The following JADE1 variants were observed in gnomAD, a reference collection of about 807,000 sequenced individuals.
The protein encoded by JADE1 is jade family PHD finger 1, also known as protein Jade-1.
A neutral mutation model predicts 81.8 loss-of-function variants in JADE1; 14 were observed. The observed-to-expected ratio is 0.17, with a 90% CI of 0.11 to 0.27. The LOEUF (loss-of-function observed/expected upper bound fraction) is 0.27, where lower values mean the gene tolerates loss of function less well. JADE1 is among the 10% of genes least tolerant of loss of function. The probability of loss-of-function intolerance (pLI) is 1.00; values close to 1 mark genes in which losing one functional copy is unlikely to be tolerated. For synonymous variants in JADE1, 353 were observed against 391.9 expected (o/e 0.90, Z 1.17); for missense variants, 690 against 1,047.9 (o/e 0.66, Z 4.71).
chr4:128,865,343 C>T (rs148421922), intron 9 of JADE1, among the ~76,000 whole-genome samples: 5 of 152,288 alleles, frequency 3.3e-5, no homozygotes, highest in Middle Eastern at 3.4e-3. Flanking sequence ...TGTGGGTACC[C>T]CATGTTTCTG....
intron 2 of JADE1, among the ~76,000 whole-genome samples, chr4:128,839,178 C>T (rs1019012879): frequency 3.9e-5 from 6 of 152,172 alleles, no homozygotes; most frequent in Non-Finnish European, 8.8e-5. Flanking sequence ...GTTGTAAATT[C>T]TGCGTCTTAT....
At chr4:128,821,028 A>G (rs1393272359) in intron 1 of JADE1, among the ~76,000 whole-genome samples, 2 of 152,192 alleles carry the variant, frequency 1.3e-5, no homozygotes, top group African/African-American at 4.8e-5. Flanking sequence ...ATTCAGAAGC[A>G]CTTGGTTTTC....
In JADE1 at chr4:128,822,006, C is replaced by G. The variant is rs551085198; in HGVS notation, c.-26-9727C>G. On this transcript the variant is annotated intron_variant, in intron 1 of 10. Coordinates refer to ENST00000226319, the MANE Select transcript of JADE1 (RefSeq NM_199320.4). ...TAATAGCATTTTATGGCATTATTAC[C>G]TTTTCTCTTTTTTTTCTTCTGCACC... Among the ~76,000 whole-genome samples the G allele has an allele frequency of 1.2e-4, 19 of 152,170 alleles. No individual in the cohort carries two copies. The South Asian group carries it at 3.9e-3, about 32-fold the overall frequency.
chr4:128,862,579 A>C, intron 9 of JADE1: 1 of 1,111,780 alleles, frequency 9.0e-7, no homozygotes, highest in Non-Finnish European at 1.1e-6. Context: ...GAGTTGACTC[A>C]GGATGGTTTA....
At position 128,871,708 on chromosome 4, in the gene JADE1, A is replaced by G; in HGVS notation, c.1975A>G (p.Arg659Gly). Residue 659 changes from arginine (R) to glycine (G), a missense_variant, in exon 11 of 11, where the codon AGA (arginine) becomes GGA (glycine). Physicochemically the swap from Arg to Gly is moderately radical, Grantham distance 125. Transcript: ENST00000226319. The surrounding 1 kb of genome is among the most constrained non-coding windows in gnomAD (Gnocchi z 4.1). The stretch of plus-strand genomic sequence containing the variant: ...TGTGGTGATGCCAGACCATGGGAAA[A>G]GAAGAGACAATCGTTTTCATTGTGA... ...NGVVMPDHGK[R>G]RDNRFHCDLI... 1 of 1,614,198 alleles carries G rather than the reference A, an allele frequency of 6.2e-7. No homozygotes were observed. Among genetic ancestry groups the G allele is most frequent in the East Asian group, 2.2e-5 (1 of 44,866 alleles).
In JADE1 at chr4:128,874,008, AG is replaced by A. The variant is rs1260321684; in HGVS notation, c.*1751del. 2 of 152,594 alleles carry A rather than the reference AG, an allele frequency of 1.3e-5. No homozygotes were observed. The highest frequency in any genetic ancestry group is 2.9e-5 in the Non-Finnish European group (2 of 68,032). The allele number at this position is 152,594 out of a possible 1,614,324, so 9.5% of individuals were successfully genotyped here. On this transcript the variant is annotated 3_prime_UTR_variant, in exon 11 of 11. Coordinates refer to ENST00000226319, the MANE Select transcript of JADE1 (RefSeq NM_199320.4). ...GACATTTTAGTAGCTAATTCAGGGG[AG>A]GGGGAAGAATGATGCAGGTTTTTAG...
At chr4:128,827,359 T>C (rs1252052955) in intron 1 of JADE1, among the ~76,000 whole-genome samples, 1 of 152,098 alleles carries the variant, frequency 6.6e-6, no homozygotes, top group Non-Finnish European at 1.5e-5. Context: ...AGAATATAAG[T>C]GTTTGGAGTT....
intron 1 of JADE1, among the ~76,000 whole-genome samples, chr4:128,823,282 A>G (rs761640507): frequency 2.0e-5 from 3 of 152,214 alleles, no homozygotes; most frequent in African/African-American, 7.2e-5. Flanking sequence ...TTATTTATAC[A>G]TTGGCAAATG....
chr4:128,859,484 T>A (rs1462026523), intron 8 of JADE1, among the ~76,000 whole-genome samples: 1 of 151,558 alleles, frequency 6.6e-6, no homozygotes, highest in East Asian at 1.9e-4. Flanking sequence ...AGTATGCATG[T>A]GAGTATGCAT....
At chr4:128,822,988 C>T (rs1405967815) in intron 1 of JADE1, among the ~76,000 whole-genome samples, 1 of 152,176 alleles carries the variant, frequency 6.6e-6, no homozygotes, top group Non-Finnish European at 1.5e-5. Flanking sequence ...CATCTTTCCA[C>T]ATCTGAGCAT....
intron 1 of JADE1, among the ~76,000 whole-genome samples, chr4:128,820,663 T>TA (rs535088887): frequency 2.0e-4 from 30 of 152,136 alleles, no homozygotes; most frequent in Non-Finnish European, 1.8e-4. Flanking sequence ...GGTTTTCAAA[T>TA]ATACAACATT....
At position 128,872,267 on chromosome 4, in the gene JADE1, A is replaced by G; in HGVS notation, c.*5A>G. 1 of 1,611,436 alleles carries G rather than the reference A, an allele frequency of 6.2e-7. No homozygotes were observed. The highest frequency in any genetic ancestry group is 1.1e-5 in the South Asian group (1 of 91,002). On this transcript the variant is annotated 3_prime_UTR_variant, in exon 11 of 11. Coordinates refer to ENST00000226319, the MANE Select transcript of JADE1 (RefSeq NM_199320.4). The stretch of plus-strand genomic sequence containing the variant: ...AGAAGCATCTTGGCTTCTTGATGCA[A>G]CAGAGATGATGCGGAAGCCCTTTGG...
intron 1 of JADE1, among the ~76,000 whole-genome samples, chr4:128,812,458 T>C (rs1270019671): frequency 6.6e-6 from 1 of 151,994 alleles, no homozygotes; most frequent in South Asian, 2.1e-4. Context: ...CCCCCCTTGC[T>C]GGGATCCTTA....
intron 6 of JADE1, among the ~76,000 whole-genome samples, chr4:128,854,962 A>AATTTG (rs1364717453): frequency 6.6e-6 from 1 of 152,056 alleles, no homozygotes; most frequent in Non-Finnish European, 1.5e-5. Context: ...TGAAAGGCTG[A>AATTTG]ATTTGTTTTA....
rs774401473 is a variant in JADE1, at chr4:128,852,008, TA to T, written c.485-48del. 23 of 1,148,128 alleles carry T rather than the reference TA, an allele frequency of 2.0e-5. 1 individual carries two copies. The South Asian group carries it at 3.0e-4, about 15-fold the overall frequency. 71.1% of individuals were successfully genotyped at this position (1,148,128 alleles called of 1,614,324 possible). A position where few individuals can be genotyped will look rare whatever the true frequency, so the allele number is the denominator to read the frequency against. Reference sequence around the variant, plus strand: ...TAAACCAGTACTATTTTGTAATATTTATTAATATGGATTTATTAAAATGGGT... The same window carrying T: ...TAAACCAGTACTATTTTGTAATATTTTTAATATGGATTTATTAAAATGGGT... On this transcript the variant is annotated intron_variant, in intron 5 of 10. Transcript: ENST00000226319.
chr4:128,872,712 C>T lies in JADE1; in HGVS notation c.*450C>T. 1 of 295,732 alleles carries T rather than the reference C, an allele frequency of 3.4e-6. No individual in the cohort carries two copies. The highest frequency in any genetic ancestry group is 6.9e-6 in the Non-Finnish European group (1 of 145,072). 18.3% of individuals were successfully genotyped at this position (295,732 alleles called of 1,614,324 possible). On this transcript the variant is annotated 3_prime_UTR_variant, in exon 11 of 11. Transcript: ENST00000226319. ...TTTATTTTCTAGGACTGTGGTAGAT[C>T]TTGAAATCATATTTATATTTGGCCC...
At chr4:128,857,951 C>G (rs553441188) in intron 8 of JADE1, among the ~76,000 whole-genome samples, 2 of 152,280 alleles carry the variant, frequency 1.3e-5, no homozygotes, top group East Asian at 3.9e-4. Flanking sequence ...CATGCTAATG[C>G]ATTTGCAGTT....
chr4:128,811,326 A>G (rs573975447), intron 1 of JADE1: 2 of 152,204 alleles, frequency 1.3e-5, no homozygotes, highest in East Asian at 3.9e-4. Flanking sequence ...AGGCAGGTGC[A>G]CGGCACCCGC....
intron 8 of JADE1, among the ~76,000 whole-genome samples, chr4:128,859,666 G>A (rs1167437092): frequency 1.3e-5 from 2 of 152,208 alleles, no homozygotes; most frequent in South Asian, 2.1e-4. Context: ...CACATTCCCC[G>A]GTGTTCTGAG....
Sources: gnomAD v4.1 joint callset for allele counts (sites outside exome capture counted in the v4.1 genomes callset) on GRCh38, gnomAD v4.1.1 for gene constraint, Gnocchi (gnomAD v3.1) non-coding constraint, MANE v1.5 for transcripts, NCBI Gene and HGNC (gene_info 2026-07-23, HGNC 2026-07-21) for gene names.